The following PARD3 variants were observed in gnomAD, a reference collection of about 807,000 sequenced individuals.
PARD3 encodes partitioning defective 3 homolog.
PARD3 carries 75 observed loss-of-function variants against 155.4 expected under a neutral mutation model. The ratio of observed to expected loss-of-function variants is 0.48; its 90% CI spans 0.40 to 0.58. The LOEUF (loss-of-function observed/expected upper bound fraction) is 0.58, where lower values mean the gene tolerates loss of function less well. Ranked by LOEUF, PARD3 falls within the 20% of genes least tolerant of loss-of-function variation. The pLI, the probability that PARD3 is intolerant of heterozygous loss-of-function variation, is 0.00. For missense variants in PARD3, 1,642 were observed against 1,721.7 expected, an observed-to-expected ratio of 0.95 and a Z score of 0.82; for synonymous variants, 576 against 610.5, an observed-to-expected ratio of 0.94 and a Z score of 0.83.
chr10:34,636,553 G>A (rs1480093792), intron 2 of PARD3, among the ~76,000 whole-genome samples: 2 of 152,198 alleles, frequency 1.3e-5, no homozygotes, highest in Non-Finnish European at 2.9e-5. Flanking sequence ...CATGGAAAAC[G>A]AAAATCACAC....
At chr10:34,609,608 T>TCA (rs2090734019) in intron 2 of PARD3, among the ~76,000 whole-genome samples, 1 of 152,180 alleles carries the variant, frequency 6.6e-6, no homozygotes, top group Non-Finnish European at 1.5e-5. Context: ...AGGGGCACAA[T>TCA]CATAGCTCGC....
intron 1 of PARD3, among the ~76,000 whole-genome samples, chr10:34,770,851 G>A (rs752328705): frequency 1.3e-5 from 2 of 152,168 alleles, no homozygotes; most frequent in African/African-American, 2.4e-5. Flanking sequence ...TGACAGACCC[G>A]GAAAGGTGGG....
At chr10:34,560,107 T>C (rs904874261) in intron 2 of PARD3, among the ~76,000 whole-genome samples, 8 of 152,218 alleles carry the variant, frequency 5.3e-5, no homozygotes, top group African/African-American at 1.7e-4. Context: ...TGGTAAATCT[T>C]TGGCTTCCGA....
At chr10:34,810,240 A>T (rs1217323366) in intron 1 of PARD3, among the ~76,000 whole-genome samples, 1 of 152,222 alleles carries the variant, frequency 6.6e-6, no homozygotes, top group East Asian at 1.9e-4. Context: ...AAGCACAAAA[A>T]TACTGCATAA....
intron 1 of PARD3, among the ~76,000 whole-genome samples, chr10:34,759,701 C>T (rs1005414096): frequency 7.9e-5 from 12 of 152,224 alleles, no homozygotes; most frequent in African/African-American, 2.4e-4. Context: ...CAACATGCTA[C>T]GCACAAGGAT....
At chr10:34,128,465 A>T (rs1249786372) in intron 23 of PARD3, among the ~76,000 whole-genome samples, 2 of 152,164 alleles carry the variant, frequency 1.3e-5, no homozygotes, top group African/African-American at 4.8e-5. Context: ...AAATGTACAG[A>T]GTGTGTGTTA....
intron 22 of PARD3, among the ~76,000 whole-genome samples, chr10:34,202,999 T>TG (rs755808904): frequency 6.6e-6 from 1 of 152,164 alleles, no homozygotes; most frequent in Non-Finnish European, 1.5e-5. Context: ...GGTCTGCACT[T>TG]GAACACAACC....
At chr10:34,419,959 T>C (rs1244444130) in intron 5 of PARD3, among the ~76,000 whole-genome samples, 1 of 152,238 alleles carries the variant, frequency 6.6e-6, no homozygotes, top group East Asian at 1.9e-4. Flanking sequence ...GATTAATTGA[T>C]TGATTGAGAC....
At chr10:34,201,788 G>C (rs549262531) in intron 22 of PARD3, among the ~76,000 whole-genome samples, 42 of 152,040 alleles carry the variant, frequency 2.8e-4, no homozygotes, top group Non-Finnish European at 4.6e-4. Context: ...TTCCATTATC[G>C]TAAAAACTAA....
rs189165003 is a variant in PARD3 at position 34,315,080 on chromosome 10, A to G, written c.3065+2027T>C. On this transcript the variant is annotated intron_variant, in intron 20 of 24. Transcript: ENST00000374788. ...ACCTTCAGCCCCTGCACCTGCATAT[A>G]GAATTTTATTTCCAAGAATATGCAG... Among the ~76,000 whole-genome samples the G allele has an allele frequency of 2.6e-5, 4 of 152,350 alleles. No individual in the cohort carries two copies. In the East Asian group the frequency reaches 7.7e-4, roughly 29 times the overall value.
At chr10:34,582,427 T>TAA (rs1337649489) in intron 2 of PARD3, among the ~76,000 whole-genome samples, 6 of 152,242 alleles carry the variant, frequency 3.9e-5, no homozygotes, top group Non-Finnish European at 8.8e-5. Flanking sequence ...AGTGTTAGGA[T>TAA]AACTGGTTAG....
At chr10:34,126,916 C>A (rs976866013) in intron 23 of PARD3, among the ~76,000 whole-genome samples, 1 of 151,998 alleles carries the variant, frequency 6.6e-6, no homozygotes, top group African/African-American at 2.4e-5. Context: ...TAATTCCCTG[C>A]TCACTCATTA....
intron 5 of PARD3, among the ~76,000 whole-genome samples, chr10:34,435,496 C>A (rs1229516432): frequency 2.6e-5 from 4 of 152,184 alleles, no homozygotes; most frequent in Non-Finnish European, 5.9e-5. Flanking sequence ...TGCCAACAAC[C>A]TTTCATGGTA....
At chr10:34,759,443 A>G (rs1333472220) in intron 1 of PARD3, among the ~76,000 whole-genome samples, 6 of 152,342 alleles carry the variant, frequency 3.9e-5, no homozygotes, top group African/African-American at 1.4e-4. Context: ...GAACCACCCA[A>G]GTATTTCTAA....
intron 3 of PARD3, among the ~76,000 whole-genome samples, chr10:34,484,921 C>T (rs1455858559): frequency 6.6e-6 from 1 of 152,218 alleles, no homozygotes; most frequent in Non-Finnish European, 1.5e-5. Flanking sequence ...GTTTGCCATG[C>T]TGCCCTCCTA....
At chr10:34,603,903 A>G (rs1367354179) in intron 2 of PARD3, among the ~76,000 whole-genome samples, 1 of 152,178 alleles carries the variant, frequency 6.6e-6, no homozygotes, top group African/African-American at 2.4e-5. Flanking sequence ...TCCGACACGC[A>G]GCCAATCCCT....
rs1844718185 is a variant in PARD3 at position 34,814,868 on chromosome 10, C to T, written c.120+8G>A. The T allele has an allele frequency of 4.7e-6, 7 of 1,505,120 alleles. No individual in the cohort carries two copies. Among genetic ancestry groups the T allele is most frequent in the Non-Finnish European group, 6.2e-6 (7 of 1,122,268 alleles). 93.2% of individuals were successfully genotyped at this position (1,505,120 alleles called of 1,614,324 possible). A position where few individuals can be genotyped will look rare whatever the true frequency, so the allele number is the denominator to read the frequency against. On this transcript the variant is annotated splice_region_variant and intron_variant, in intron 1 of 24. Coordinates refer to ENST00000374788, the MANE Select transcript of PARD3 (RefSeq NM_001184785.2). Reference sequence around the variant, plus strand: ...GCCCCCTCCCCGCCCGCGCCCCCGGCCCCTCACCTTGGCGATGGCCTTCCG... The same window carrying T: ...GCCCCCTCCCCGCCCGCGCCCCCGGTCCCTCACCTTGGCGATGGCCTTCCG...
intron 1 of PARD3, among the ~76,000 whole-genome samples, chr10:34,717,088 G>C (rs890750979): frequency 2.6e-5 from 4 of 152,178 alleles, no homozygotes; most frequent in Non-Finnish European, 5.9e-5. Flanking sequence ...AAGACATACA[G>C]ATAAATTGTG....
chr10:34,804,223 G>C (rs1156861158), intron 1 of PARD3, among the ~76,000 whole-genome samples: 1 of 152,110 alleles, frequency 6.6e-6, no homozygotes, highest in Non-Finnish European at 1.5e-5. Flanking sequence ...TTTTAATAGA[G>C]ATGGGGTTTT....
Sources: allele counts gnomAD v4.1 joint callset (sites outside exome capture counted in the v4.1 genomes callset), GRCh38; gene constraint gnomAD v4.1.1; transcripts MANE v1.5; gene names NCBI Gene and HGNC (gene_info 2026-07-23, HGNC 2026-07-21).